Variants in CACUL1 observed in about 807,000 individuals in gnomAD.
The protein encoded by CACUL1 is CDK2 associated cullin domain 1, also known as CDK2-associated and cullin domain-containing protein 1.
A neutral mutation model predicts 45.2 loss-of-function variants in CACUL1; 13 were observed. The ratio of observed to expected loss-of-function variants is 0.29; its 90% confidence interval spans 0.19 to 0.46. CACUL1 has a LOEUF of 0.46. CACUL1 is among the 20% of genes least tolerant of loss of function. The pLI is 1.00. For missense variants in CACUL1, 421 were observed against 471.4 expected (o/e 0.89, Z 0.99); for synonymous variants, 197 against 174.2 (o/e 1.13, Z -1.03).
chr10:118,727,053 C>T (rs1047533706), intron 3 of CACUL1, among the ~76,000 whole-genome samples: 1 of 152,092 alleles, frequency 6.6e-6, no homozygotes, highest in African/African-American at 2.4e-5. Context: ...TAAAAACAAA[C>T]TAAATTCCCT....
At chr10:118,701,449 G>A in intron 4 of CACUL1, 41 bp from the exon 5 acceptor site, 1 of 1,154,186 alleles carries the variant, frequency 8.7e-7, no homozygotes, top group Non-Finnish European at 1.2e-6. Flanking sequence ...TATTAATTGG[G>A]GAAATGATTA....
At chr10:118,753,247 A>G (rs1374949665) in intron 1 of CACUL1, among the ~76,000 whole-genome samples, 1 of 152,266 alleles carries the variant, frequency 6.6e-6, no homozygotes, top group Non-Finnish European at 1.5e-5. Flanking sequence ...TACCAAACGT[A>G]CATATCAATG....
At position 118,687,064 on chromosome 10, in the gene CACUL1, G is replaced by A. The variant is rs117096800; in HGVS notation, c.1026-423C>T. Among the ~76,000 whole-genome samples the A allele has an allele frequency of 5.0e-3, 759 of 152,202 alleles. 3 individuals carry two copies. Among genetic ancestry groups the A allele is most frequent in the Non-Finnish European group, 8.5e-3 (576 of 68,000 alleles). On this transcript the variant is annotated intron_variant, in intron 7 of 8. Transcript: ENST00000369151. Reference sequence around the variant, plus strand: ...ATAAGTTGATTTCTTCCTGAAACACGATTTTTTTCTCTTTAGGTTTCAGTA... The same window carrying A: ...ATAAGTTGATTTCTTCCTGAAACACAATTTTTTTCTCTTTAGGTTTCAGTA...
Position 118,701,393 on chromosome 10 carries a change from C to A in CACUL1, c.709G>T (p.Glu237Ter). The A allele has an allele frequency of 6.5e-7, 1 of 1,540,994 alleles. No individual in the cohort carries two copies. Among genetic ancestry groups the A allele is most frequent in the South Asian group, 1.2e-5 (1 of 81,306 alleles). ...LFIYMNKFYIETKLNRDLKDD... is the reference protein window; with the variant it reads ...LFIYMNKFYI ...TTTAAGTCTCTGTTAAGCTTGGTTT[C>A]GATGTAAAACTTATTCTGAAAAATA... Residue 237 changes from glutamate to a stop codon, truncating the protein, a stop_gained, in exon 5 of 9, where the codon GAA becomes TAA. Coordinates refer to ENST00000369151, the MANE Select transcript of CACUL1 (RefSeq NM_153810.5). LOFTEE classifies it high-confidence loss of function.
At chr10:118,697,566 T>C (rs1393393877) in intron 5 of CACUL1, among the ~76,000 whole-genome samples, 1 of 152,272 alleles carries the variant, frequency 6.6e-6, no homozygotes, top group Non-Finnish European at 1.5e-5. Context: ...CTCTTTCAAG[T>C]ATTCCTCAGT....
At chr10:118,746,668 A>T (rs186238955) in intron 1 of CACUL1, among the ~76,000 whole-genome samples, 4 of 152,226 alleles carry the variant, frequency 2.6e-5, no homozygotes, top group Non-Finnish European at 4.4e-5. Flanking sequence ...GACAAACCAG[A>T]GGGAGAAAAC....
chr10:118,688,904 C>G (rs890383137), intron 7 of CACUL1, among the ~76,000 whole-genome samples: 3 of 152,206 alleles, frequency 2.0e-5, no homozygotes, highest in Non-Finnish European at 4.4e-5. Flanking sequence ...ACAACAGTCA[C>G]TTTATTTTAA....
intron 4 of CACUL1, among the ~76,000 whole-genome samples, chr10:118,702,092 A>T (rs1845386168): frequency 6.6e-6 from 1 of 152,194 alleles, no homozygotes; most frequent in Non-Finnish European, 1.5e-5. Flanking sequence ...TTATCTTGTG[A>T]AATGCCTTCT....
intron 5 of CACUL1, among the ~76,000 whole-genome samples, chr10:118,699,525 A>G (rs978972945): frequency 1.3e-5 from 2 of 152,246 alleles, no homozygotes; most frequent in Non-Finnish European, 2.9e-5. Flanking sequence ...ACCAAATGGT[A>G]GCATTTCTCT....
At chr10:118,694,624 TAGAG>T (rs1393698826) in intron 6 of CACUL1, among the ~76,000 whole-genome samples, 5 of 152,236 alleles carry the variant, frequency 3.3e-5, no homozygotes, top group South Asian at 2.1e-4. Context: ...TATTCTAAGA[TAGAG>T]AGACACATTA....
Position 118,754,706 on chromosome 10 carries a change from G to C in CACUL1, c.57C>G (p.Asp19Glu). The C allele has an allele frequency of 6.2e-7, 1 of 1,606,620 alleles. No homozygotes were observed. The highest frequency in any genetic ancestry group is 8.5e-7 in the Non-Finnish European group (1 of 1,177,238). The part of the protein sequence containing the change: ...EGGSYEAMMD[D>E]QNHNNWEAAV... ...CAGCCTCCCAGTTGTTGTGGTTCTGGTCGTCCATCATCGCCTCGTAGCTGC... is the reference window on the plus strand; with the variant it reads ...CAGCCTCCCAGTTGTTGTGGTTCTGCTCGTCCATCATCGCCTCGTAGCTGC... The change falls in exon 1 of 9, where the codon GAC (aspartate) becomes GAG (glutamate). Residue 19 changes from aspartate to glutamate, a missense_variant. Around this residue, in one of 2 missense-constraint regions of CACUL1, gnomAD observed 213 missense variants for 173.1 expected, o/e 1.23. Coordinates refer to ENST00000369151, the MANE Select transcript of CACUL1 (RefSeq NM_153810.5).
At chr10:118,723,902 T>C (rs1293205734) in intron 3 of CACUL1, among the ~76,000 whole-genome samples, 2 of 151,392 alleles carry the variant, frequency 1.3e-5, no homozygotes, top group East Asian at 3.9e-4. Context: ...GCAGCTGAGA[T>C]TATAGGCGCC....
chr10:118,737,131 A>AG (rs1156838661), intron 1 of CACUL1, among the ~76,000 whole-genome samples: 12 of 141,984 alleles, frequency 8.5e-5, no homozygotes, highest in East Asian at 4.2e-4. Context: ...CCTTATTAGG[A>AG]GGGAAAAAAA....
chr10:118,715,748 A>C (rs1018541693), intron 3 of CACUL1, among the ~76,000 whole-genome samples: 1 of 152,166 alleles, frequency 6.6e-6, no homozygotes, highest in African/African-American at 2.4e-5. Flanking sequence ...GAAAAAAATT[A>C]AGAATATGTG....
At chr10:118,711,645 T>C (rs73423952) in intron 3 of CACUL1, among the ~76,000 whole-genome samples, 7,405 of 152,288 alleles carry the variant, frequency 0.049, 581 homozygotes, top group African/African-American at 0.17. Context: ...GTTAAAAGTA[T>C]AAACATTGAT....
At chr10:118,689,427 CTAAT>C (rs1192201639) in intron 7 of CACUL1, among the ~76,000 whole-genome samples, 5 of 152,206 alleles carry the variant, frequency 3.3e-5, no homozygotes, top group Non-Finnish European at 7.3e-5. Flanking sequence ...CAAAAATGGT[CTAAT>C]TAAGTTTGTA....
rs1845167422 is a variant in CACUL1 at position 118,682,875 on chromosome 10, G to A, written c.*3253C>T. The A allele has an allele frequency of 6.6e-6, 1 of 152,412 alleles. No homozygotes were observed. Among genetic ancestry groups the A allele is most frequent in the South Asian group, 2.1e-4 (1 of 4,832 alleles). 9.4% of individuals were successfully genotyped at this position (152,412 alleles called of 1,614,324 possible). A position where few individuals can be genotyped will look rare whatever the true frequency, so the allele number is the denominator to read the frequency against. On this transcript the variant is annotated 3_prime_UTR_variant, in exon 9 of 9. Coordinates refer to ENST00000369151, the MANE Select transcript of CACUL1 (RefSeq NM_153810.5). ...TCTAGACCCCAAAGGGAGGGTAATT[G>A]CTGCAAATTTGTTAAAGGGACAGAA...
chr10:118,728,383 G>A (rs932644611), intron 3 of CACUL1, among the ~76,000 whole-genome samples: 14 of 148,364 alleles, frequency 9.4e-5, no homozygotes, highest in Admixed American at 2.1e-4. Flanking sequence ...ACGCAATCTC[G>A]GCCAACTGCA....
intron 3 of CACUL1, among the ~76,000 whole-genome samples, chr10:118,714,713 G>A (rs936905331): frequency 1.3e-5 from 2 of 152,044 alleles, no homozygotes; most frequent in Non-Finnish European, 2.9e-5. Context: ...CTGTACTCTG[G>A]TATGCGGTGT....
Sources: allele counts gnomAD v4.1 joint callset (sites outside exome capture counted in the v4.1 genomes callset), GRCh38; gene constraint gnomAD v4.1.1; regional missense constraint gnomAD v4.1.1; transcripts MANE v1.5; gene names NCBI Gene and HGNC (gene_info 2026-07-23, HGNC 2026-07-21).